Variants in NCK1 observed in about 807,000 individuals in gnomAD.
NCK1 encodes SH2/SH3 adapter protein NCK1.
NCK1 carries 19 observed loss-of-function variants against 36.6 expected under a neutral mutation model. That is an observed-to-expected ratio of 0.52 (90% CI 0.36 to 0.76). NCK1 has a LOEUF of 0.76. NCK1 is among the 30% of genes least tolerant of loss of function. The pLI, the probability that NCK1 is intolerant of heterozygous loss-of-function variation, is 0.00. For missense variants in NCK1, 358 were observed against 445.6 expected (o/e 0.80, Z 1.77); for synonymous variants, 165 against 156.0 (o/e 1.06, Z -0.43).
intron 1 of NCK1, among the ~76,000 whole-genome samples, chr3:136,867,954 T>A (rs1327461616): frequency 2.0e-5 from 3 of 152,056 alleles, no homozygotes; most frequent in African/African-American, 7.2e-5. Context: ...TTTCGCAGTT[T>A]TTGCCCTGGC....
chr3:136,890,663 C>T (rs1213916514), intron 1 of NCK1, among the ~76,000 whole-genome samples: 1 of 152,212 alleles, frequency 6.6e-6, no homozygotes, highest in African/African-American at 2.4e-5. Context: ...TTTTTTCTCC[C>T]TTATGCCTAT....
intron 1 of NCK1, among the ~76,000 whole-genome samples, chr3:136,918,705 C>G (rs971538160): frequency 6.6e-6 from 1 of 152,144 alleles, no homozygotes; most frequent in Non-Finnish European, 1.5e-5. Context: ...CATCAGCTAT[C>G]GTTAGTTTAG....
chr3:136,871,765 C>A (rs544644115), intron 1 of NCK1, among the ~76,000 whole-genome samples: 1 of 152,160 alleles, frequency 6.6e-6, no homozygotes, highest in Non-Finnish European at 1.5e-5. Flanking sequence ...GGTAATTGAA[C>A]CATGGGGGTG....
chr3:136,881,093 A>G (rs1938920101), intron 1 of NCK1, among the ~76,000 whole-genome samples: 1 of 152,146 alleles, frequency 6.6e-6, no homozygotes, highest in Non-Finnish European at 1.5e-5. Flanking sequence ...ACATACTTCC[A>G]GTCCATCAGC....
chr3:136,863,463 T>C (rs1211874085), intron 1 of NCK1, among the ~76,000 whole-genome samples: 1 of 152,222 alleles, frequency 6.6e-6, no homozygotes, highest in East Asian at 1.9e-4. Context: ...GTTCTTTTCT[T>C]TTTAAAACAC....
chr3:136,928,306 G>C, intron 2 of NCK1, 79 bp downstream of exon 2: 1 of 1,352,240 alleles, frequency 7.4e-7, no homozygotes, highest in Non-Finnish European at 1.0e-6. Flanking sequence ...AATTCTGGCA[G>C]CAGTGTGCAT....
At chr3:136,914,668 A>T (rs747308475) in intron 1 of NCK1, among the ~76,000 whole-genome samples, 9 of 152,298 alleles carry the variant, frequency 5.9e-5, no homozygotes, top group African/African-American at 9.6e-5. Context: ...TGTGTTTCAG[A>T]TCTTTTTTGC....
chr3:136,946,843 G>C (rs1054031460), intron 3 of NCK1: 2 of 152,256 alleles, frequency 1.3e-5, no homozygotes, highest in Non-Finnish European at 2.9e-5. Context: ...TGCAATAAAA[G>C]ATAAATTATA....
intron 1 of NCK1, among the ~76,000 whole-genome samples, chr3:136,890,727 G>T (rs759860758): frequency 6.6e-6 from 1 of 152,046 alleles, no homozygotes; most frequent in Non-Finnish European, 1.5e-5. Context: ...AAGTTATTGT[G>T]GTAAGATATG....
intron 1 of NCK1, among the ~76,000 whole-genome samples, chr3:136,926,862 T>C (rs1482279058): frequency 3.9e-5 from 6 of 152,238 alleles, no homozygotes; most frequent in Non-Finnish European, 8.8e-5. Context: ...TTGCTTTTTG[T>C]ATGTGTTTCA....
chr3:136,863,102 A>G (rs1185424259), intron 1 of NCK1, among the ~76,000 whole-genome samples: 1 of 152,148 alleles, frequency 6.6e-6, no homozygotes, highest in Non-Finnish European at 1.5e-5. Flanking sequence ...ACGTAACCGT[A>G]GGAACGCTCT....
rs576574994 is a variant in NCK1, at chr3:136,932,768, A to G, written c.226+4541A>G. Among the ~76,000 whole-genome samples the G allele has an allele frequency of 2.2e-4, 34 of 152,350 alleles. No homozygotes were observed. In the South Asian group the frequency reaches 6.8e-3, roughly 31 times the overall value. On this transcript the variant is annotated intron_variant, in intron 2 of 3. Coordinates refer to ENST00000481752, the MANE Select transcript of NCK1 (RefSeq NM_001291999.2). ...ACAACTAAGCAGTCTTAGGTGTGTC[A>G]TAGGAATTGAGCGAAAGCAATGAGT...
At chr3:136,896,019 A>G (rs535315565) in intron 1 of NCK1, among the ~76,000 whole-genome samples, 1 of 151,722 alleles carries the variant, frequency 6.6e-6, no homozygotes, top group African/African-American at 2.4e-5. Context: ...TTTTATTGAT[A>G]TATAATATTT....
chr3:136,862,540 C>T (rs1938254906), intron 1 of NCK1, among the ~76,000 whole-genome samples, 187 bp downstream of exon 1: 1 of 152,246 alleles, frequency 6.6e-6, no homozygotes, highest in African/African-American at 2.4e-5. Context: ...CAGACTTCTG[C>T]ACCGGGATTC....
chr3:136,863,039 A>G (rs1233945143), intron 1 of NCK1, among the ~76,000 whole-genome samples: 1 of 150,400 alleles, frequency 6.6e-6, no homozygotes, highest in Non-Finnish European at 1.5e-5. Flanking sequence ...TTAACATACA[A>G]GTTAAATTCG....
chr3:136,909,487 A>G (rs1000767003), intron 1 of NCK1, among the ~76,000 whole-genome samples: 3 of 152,202 alleles, frequency 2.0e-5, no homozygotes, highest in East Asian at 1.9e-4. Context: ...CTGAGAGACA[A>G]TTATTTAAAC....
At chr3:136,920,148 TACTAATGAAACA>T (rs1396929386) in intron 1 of NCK1, among the ~76,000 whole-genome samples, 1 of 152,172 alleles carries the variant, frequency 6.6e-6, no homozygotes, top group Non-Finnish European at 1.5e-5. Flanking sequence ...TAAATACTCT[TACTAATGAAACA>T]ACTAATGAAA....
chr3:136,867,875 A>C (rs907768077), intron 1 of NCK1, among the ~76,000 whole-genome samples: 1 of 151,984 alleles, frequency 6.6e-6, no homozygotes, highest in Non-Finnish European at 1.5e-5. Flanking sequence ...GCCTTCTCAT[A>C]GATTGAAAAC....
chr3:136,896,344 T>G (rs2108094711), intron 1 of NCK1, among the ~76,000 whole-genome samples: 1 of 152,330 alleles, frequency 6.6e-6, no homozygotes, highest in Non-Finnish European at 1.5e-5. Context: ...TCTACCTCCA[T>G]GAGATCATCT....
Sources: gnomAD v4.1 joint callset for allele counts (sites outside exome capture counted in the v4.1 genomes callset) on GRCh38, gnomAD v4.1.1 for gene constraint, MANE v1.5 for transcripts, NCBI Gene and HGNC (gene_info 2026-07-23, HGNC 2026-07-21) for gene names.